TBL1X: variants seen among roughly 807,000 people sequenced by gnomAD.
TBL1X encodes F-box-like/WD repeat-containing protein TBL1X.
A neutral mutation model predicts 50.7 loss-of-function variants in TBL1X; 10 were observed. That is an observed-to-expected ratio of 0.20 (90% confidence interval 0.12 to 0.33). The LOEUF is 0.33. Among genes scored for constraint, TBL1X ranks in the 10% least tolerant of loss-of-function variants. The pLI is 1.00. For synonymous variants in TBL1X, 190 were observed against 214.7 expected, an observed-to-expected ratio of 0.88 and a Z score of 1.01; for missense variants, 340 against 504.4, an observed-to-expected ratio of 0.67 and a Z score of 3.12.
At chrX:9,469,479 A>G (rs972856948) in intron 1 of TBL1X, among the ~76,000 whole-genome samples, 3 of 112,319 alleles carry the variant, frequency 2.7e-5, no homozygotes, top group Non-Finnish European at 5.6e-5. Context: ...ACATGCTTAT[A>G]GTTTCCTGTT....
intron 2 of TBL1X, among the ~76,000 whole-genome samples, chrX:9,570,496 C>G (rs952797184): frequency 9.0e-6 from 1 of 111,333 alleles, no homozygotes; most frequent in African/African-American, 3.3e-5. Flanking sequence ...GCCCTTAAAA[C>G]TGGCTCTAGA....
intron 2 of TBL1X, among the ~76,000 whole-genome samples, chrX:9,601,408 C>A (rs1325795144): frequency 9.0e-6 from 1 of 111,265 alleles, no homozygotes; most frequent in Non-Finnish European, 1.9e-5. Flanking sequence ...GGTAGCTGTT[C>A]TGCTCTGGGC....
At chrX:9,674,691 C>T (rs1433358834) in intron 5 of TBL1X, among the ~76,000 whole-genome samples, 1 of 40,150 alleles carries the variant, frequency 2.5e-5, no homozygotes, top group East Asian at 6.6e-4. Context: ...CCCCCCCCCC[C>T]CCCCCCCCCC....
In TBL1X at chrX:9,677,403, C is replaced by T. The variant is rs2083000899; in HGVS notation, c.212-6640C>T. Among the ~76,000 whole-genome samples the T allele has an allele frequency of 2.7e-5, 3 of 109,219 alleles. No individual in the cohort carries two copies. The Admixed American group carries it at 3.0e-4, about 11-fold the overall frequency. The allele number at this position is 109,219 out of a possible 115,157, so 94.8% of individuals were successfully genotyped here. A position where few individuals can be genotyped will look rare whatever the true frequency, so the allele number is the denominator to read the frequency against. ...CTACTAGATTGGACAAGTGTGTTAA[C>T]CAGTGGCTGTTTGGTATCCATTGAT... On this transcript the variant is annotated intron_variant, in intron 5 of 17. Coordinates refer to ENST00000645353, the MANE Select transcript of TBL1X (RefSeq NM_005647.4).
intron 2 of TBL1X, among the ~76,000 whole-genome samples, chrX:9,559,823 A>T (rs2082316611): frequency 9.4e-6 from 1 of 106,514 alleles, no homozygotes; most frequent in Non-Finnish European, 1.9e-5. Flanking sequence ...AAAAGTTCTT[A>T]AATGTGTCCC....
chrX:9,632,811 AG>A (rs1017089178), intron 2 of TBL1X, among the ~76,000 whole-genome samples: 2 of 112,005 alleles, frequency 1.8e-5, no homozygotes, highest in African/African-American at 6.5e-5. Flanking sequence ...CTTGTGGAAA[AG>A]ATATCAGTAA....
At chrX:9,580,636 G>A (rs934807201) in intron 2 of TBL1X, among the ~76,000 whole-genome samples, 1 of 111,329 alleles carries the variant, frequency 9.0e-6, no homozygotes. Flanking sequence ...GAGACATGAG[G>A]CATTGATCAG....
intron 5 of TBL1X, among the ~76,000 whole-genome samples, chrX:9,657,449 G>A (rs1302326965): frequency 8.9e-6 from 1 of 112,344 alleles, no homozygotes; most frequent in East Asian, 2.8e-4. Flanking sequence ...GTGTCAGTTA[G>A]GATGTATTAG....
rs190433585 is a variant in TBL1X at position 9,505,388 on chromosome X, A to G, written c.-131+3539A>G. 6.6e-4 allele frequency among the ~76,000 whole-genome samples: 74 copies of G among 112,152 alleles called. 1 individual carries two copies. The highest frequency in any genetic ancestry group is 2.3e-3 in the African/African-American group (72 of 30,904). ...ATGACACTACAAAGAAACTGCATCA[A>G]CTAATGTACAAAATAACCAAATAGC... On this transcript the variant is annotated intron_variant, in intron 2 of 17. Transcript: ENST00000645353.
intron 15 of TBL1X, among the ~76,000 whole-genome samples, chrX:9,710,591 C>G (rs16985663): frequency 0.085 from 9,501 of 111,606 alleles, 414 homozygotes; most frequent in African/African-American, 0.17. Flanking sequence ...AAGGGGCATC[C>G]CGGTACCTAA....
At chrX:9,501,035 T>C (rs1276554805) in intron 1 of TBL1X, among the ~76,000 whole-genome samples, 1 of 111,122 alleles carries the variant, frequency 9.0e-6, no homozygotes, top group Non-Finnish European at 1.9e-5. Flanking sequence ...GCTCTGCGAG[T>C]CTGTGGGAAG....
At chrX:9,540,543 A>C (rs1350840812) in intron 2 of TBL1X, among the ~76,000 whole-genome samples, 1 of 112,744 alleles carries the variant, frequency 8.9e-6, no homozygotes, top group Non-Finnish European at 1.9e-5. Context: ...AGTTAAATTA[A>C]AAACTGTGCT....
chrX:9,613,039 CAA>C (rs542658168), intron 2 of TBL1X, among the ~76,000 whole-genome samples: 2 of 91,311 alleles, frequency 2.2e-5, no homozygotes, highest in Admixed American at 1.2e-4. Flanking sequence ...AAATTATTAC[CAA>C]AAAAAAAAAA....
At chrX:9,526,241 G>A (rs2082132236) in intron 2 of TBL1X, among the ~76,000 whole-genome samples, 1 of 111,640 alleles carries the variant, frequency 9.0e-6, no homozygotes, top group Non-Finnish European at 1.9e-5. Flanking sequence ...GGCTCTCTGA[G>A]CTTTACTGAA....
intron 1 of TBL1X, among the ~76,000 whole-genome samples, chrX:9,474,402 G>GTGTGCGTTTGCACGCACATGTA (rs1437483083): frequency 2.6e-5 from 3 of 113,332 alleles, no homozygotes; most frequent in Non-Finnish European, 5.6e-5. Context: ...ACTAAGGTAT[G>GTGTGCGTTTGCACGCACATGTA]TGTGCGTTTG....
chrX:9,595,904 A>C (rs1181811256), intron 2 of TBL1X, among the ~76,000 whole-genome samples: 1 of 112,313 alleles, frequency 8.9e-6, no homozygotes, highest in Non-Finnish European at 1.9e-5. Flanking sequence ...TAAGTGTTGG[A>C]GATATCTTCC....
intron 2 of TBL1X, among the ~76,000 whole-genome samples, chrX:9,578,435 A>G (rs897237745): frequency 9.0e-6 from 1 of 111,389 alleles, no homozygotes; most frequent in Non-Finnish European, 1.9e-5. Context: ...GGTATTGAGA[A>G]GCACGTGCTG....
At position 9,529,451 on chromosome X, in the gene TBL1X, G is replaced by A. The variant is rs1355436716; in HGVS notation, c.-131+27602G>A. ...TGAATTTCAGACGTGCTAAAGGAGG[G>A]GTTGCAGACATTGTGTGGAATGCAT... On this transcript the variant is annotated intron_variant, in intron 2 of 17. Coordinates refer to ENST00000645353, the MANE Select transcript of TBL1X (RefSeq NM_005647.4). Among the ~76,000 whole-genome samples, 5 of 111,802 alleles carry A rather than the reference G, an allele frequency of 4.5e-5. No homozygotes were observed. The East Asian group carries it at 1.4e-3, about 31-fold the overall frequency.
At position 9,693,184 on chromosome X, in the gene TBL1X, C is replaced by T. The variant is rs142039049; in HGVS notation, c.927C>T (p.Asp309=). The change falls in exon 10 of 18, where the codon GAC becomes GAT. Residue 309 remains aspartate (D), a synonymous_variant. Coordinates refer to ENST00000645353, the MANE Select transcript of TBL1X (RefSeq NM_005647.4). ...NGTLLATGSY[D]GFARIWTEDG... ...CACTCTTGGCTACGGGTTCATATGA[C>T]GGTTTTGCAAGAATATGGACGGAAG... is the stretch of plus-strand genomic sequence containing the variant. The T allele has an allele frequency of 2.0e-5, 24 of 1,209,618 alleles. No individual in the cohort carries two copies. Among genetic ancestry groups the T allele is most frequent in the Middle Eastern group, 2.3e-4 (1 of 4,353 alleles).
Sources: allele counts gnomAD v4.1 joint callset (sites outside exome capture counted in the v4.1 genomes callset), GRCh38; gene constraint gnomAD v4.1.1; transcripts MANE v1.5; gene names NCBI Gene and HGNC (gene_info 2026-07-23, HGNC 2026-07-21).